Variants in PDE1C observed in about 807,000 individuals in gnomAD.
The protein encoded by PDE1C is dual specificity calcium/calmodulin-dependent 3',5'-cyclic nucleotide phosphodiesterase 1C.
In PDE1C, 62 loss-of-function variants were observed where a neutral mutation model predicts 93.1. The ratio of observed to expected loss-of-function variants is 0.67; its 90% CI spans 0.54 to 0.82. PDE1C has a LOEUF of 0.82. PDE1C is among the 40% of genes least tolerant of loss of function. PDE1C has a pLI of 0.00. For missense variants in PDE1C, 742 were observed against 884.6 expected, an observed-to-expected ratio of 0.84 and a Z score of 2.04; for synonymous variants, 325 against 310.1, an observed-to-expected ratio of 1.05 and a Z score of -0.50.
chr7:31,847,802 A>T, intron 9 of PDE1C, 166 bp downstream of exon 9: 1 of 666,720 alleles, frequency 1.5e-6, no homozygotes, highest in Non-Finnish European at 2.6e-6. Flanking sequence ...GAAATAAGAC[A>T]TACATACATA....
intron 2 of PDE1C, among the ~76,000 whole-genome samples, chr7:32,027,753 C>G (rs199579287): frequency 1.5e-5 from 2 of 136,268 alleles, no homozygotes; most frequent in South Asian, 5.1e-4. Flanking sequence ...AAAAAAAAAA[C>G]TTTTAAAAAA....
At chr7:32,017,683 T>C (rs1489937233) in intron 2 of PDE1C, among the ~76,000 whole-genome samples, 2 of 152,004 alleles carry the variant, frequency 1.3e-5, no homozygotes, top group East Asian at 1.9e-4. Flanking sequence ...AAAAAATGAA[T>C]AAAGGATCTG....
chr7:31,964,646 G>A (rs1231063038), intron 2 of PDE1C, among the ~76,000 whole-genome samples: 1 of 152,238 alleles, frequency 6.6e-6, no homozygotes, highest in Non-Finnish European at 1.5e-5. Flanking sequence ...CTGAGAACGG[G>A]CAGACTGCCT....
chr7:32,147,329 A>AAAGGAAGG (rs1271960781), intron 3 of PDE1C, among the ~76,000 whole-genome samples: 11 of 144,092 alleles, frequency 7.6e-5, no homozygotes, highest in Admixed American at 6.6e-4. Flanking sequence ...AGAAAGAAAG[A>AAAGGAAGG]AAGACGCTGT....
chr7:32,407,242 T>C (rs1294638247), intron 1 of PDE1C, among the ~76,000 whole-genome samples: 1 of 152,098 alleles, frequency 6.6e-6, no homozygotes, highest in East Asian at 1.9e-4. Context: ...GCCGCTGCAG[T>C]CCAGCCTGGG....
At chr7:32,415,544 G>A (rs1785257266) in intron 1 of PDE1C, among the ~76,000 whole-genome samples, 1 of 152,140 alleles carries the variant, frequency 6.6e-6, no homozygotes, top group Non-Finnish European at 1.5e-5. Flanking sequence ...GCCTTATATT[G>A]GGGATTGTTT....
At chr7:32,273,037 A>T (rs1414973462) in intron 1 of PDE1C, among the ~76,000 whole-genome samples, 1 of 152,184 alleles carries the variant, frequency 6.6e-6, no homozygotes, top group African/African-American at 2.4e-5. Flanking sequence ...CTGGCTTTGA[A>T]ATGGAGATGG....
chr7:31,636,956 G>C, the PDE1C span, among the ~76,000 whole-genome samples: 2 of 136,864 alleles, frequency 1.5e-5, no homozygotes, highest in South Asian at 4.5e-4. Flanking sequence ...TTATTGTTCA[G>C]TTCCCACCTA....
the PDE1C span, among the ~76,000 whole-genome samples, chr7:31,744,788 C>T: frequency 6.6e-6 from 1 of 152,206 alleles, no homozygotes; most frequent in Admixed American, 6.5e-5. Flanking sequence ...GGTGAGATCA[C>T]ACTCTGATAT....
At chr7:32,304,729 G>A (rs111860231) in intron 1 of PDE1C, among the ~76,000 whole-genome samples, 6,539 of 152,020 alleles carry the variant, frequency 0.043, 202 homozygotes, top group African/African-American at 0.082. Context: ...TTTTTCTTTT[G>A]TAAAATGGAC....
intron 17 of PDE1C, among the ~76,000 whole-genome samples, chr7:31,759,473 T>C (rs1219902054): frequency 2.0e-5 from 3 of 152,212 alleles, no homozygotes; most frequent in Non-Finnish European, 4.4e-5. Context: ...AATGGTTGAT[T>C]ATCAGCAAGT....
chr7:31,697,626 TAC>T, the PDE1C span, among the ~76,000 whole-genome samples: 2,657 of 152,302 alleles, frequency 0.017, 93 homozygotes, highest in African/African-American at 0.06. Context: ...CTCTGTGAGA[TAC>T]AGTCCTTGTC....
chr7:32,097,474 G>T (rs1797811896), intron 3 of PDE1C, among the ~76,000 whole-genome samples: 3 of 152,110 alleles, frequency 2.0e-5, no homozygotes, highest in Admixed American at 1.3e-4. Context: ...TAACCTAGCT[G>T]GAGTAAACTC....
the PDE1C span, among the ~76,000 whole-genome samples, chr7:31,734,127 G>A: frequency 2.0e-5 from 3 of 152,232 alleles, no homozygotes; most frequent in East Asian, 5.8e-4. Context: ...TTGTTCCACA[G>A]CTCTTTACTG....
At chr7:31,930,546 A>G (rs1804052067) in intron 2 of PDE1C, among the ~76,000 whole-genome samples, 2 of 152,144 alleles carry the variant, frequency 1.3e-5, no homozygotes, top group South Asian at 4.1e-4. Context: ...CAGCATATCA[A>G]AAAGCTTATC....
chr7:31,999,427 C>T (rs1374991276), intron 2 of PDE1C, among the ~76,000 whole-genome samples: 1 of 152,154 alleles, frequency 6.6e-6, no homozygotes, highest in Middle Eastern at 3.2e-3. Context: ...CCCAGGGTCC[C>T]ACAGCCAGGG....
intron 2 of PDE1C, among the ~76,000 whole-genome samples, chr7:32,028,441 C>T (rs1231355197): frequency 6.6e-6 from 1 of 152,084 alleles, no homozygotes; most frequent in East Asian, 1.9e-4. Flanking sequence ...CTATGCAAAC[C>T]ATAAGAAAGA....
intron 6 of PDE1C, 119 bp downstream of exon 6, chr7:31,873,173 C>T: frequency 1.6e-6 from 1 of 639,822 alleles, no homozygotes; most frequent in South Asian, 2.0e-5. Flanking sequence ...AAGGATGCTT[C>T]CTCAGTCGCC....
At chr7:32,191,433 T>G (rs546955558) in intron 2 of PDE1C, among the ~76,000 whole-genome samples, 1 of 152,212 alleles carries the variant, frequency 6.6e-6, no homozygotes, top group South Asian at 2.1e-4. Flanking sequence ...CTGTTCTCTA[T>G]CTTTATAGTT....
Sources: allele counts gnomAD v4.1 joint callset (sites outside exome capture counted in the v4.1 genomes callset), GRCh38; gene constraint gnomAD v4.1.1; transcripts MANE v1.5; gene names NCBI Gene and HGNC (gene_info 2026-07-23, HGNC 2026-07-21).